SLCO3A1: variants seen among roughly 807,000 people sequenced by gnomAD.
SLCO3A1 encodes the protein solute carrier organic anion transporter family member 3A1.
Under a neutral mutation model 63.1 loss-of-function variants are expected in SLCO3A1, and 27 were observed. The observed-to-expected ratio is 0.43, with a 90% CI of 0.32 to 0.59. The LOEUF (loss-of-function observed/expected upper bound fraction) is 0.59. Among genes scored for constraint, SLCO3A1 ranks in the 20% least tolerant of loss-of-function variants. SLCO3A1 has a pLI of 0.09. For synonymous variants in SLCO3A1, 473 were observed against 409.9 expected, an observed-to-expected ratio of 1.15 and a Z score of -1.86; for missense variants, 773 against 945.8, an observed-to-expected ratio of 0.82 and a Z score of 2.40.
At chr15:91,934,669 T>G (rs1899345748) in intron 2 of SLCO3A1, among the ~76,000 whole-genome samples, 1 of 152,250 alleles carries the variant, frequency 6.6e-6, no homozygotes. Context: ...TTCTCTTTTA[T>G]TTGTAATGGG....
intron 2 of SLCO3A1, among the ~76,000 whole-genome samples, chr15:91,956,761 G>C (rs1370088340): frequency 6.8e-6 from 1 of 146,982 alleles, no homozygotes; most frequent in Non-Finnish European, 1.5e-5. Flanking sequence ...CCCTGGACTT[G>C]CTGTGGCCTT....
rs1900090879 is a variant in SLCO3A1, at chr15:91,954,176, G to A, written c.646+37718G>A. On this transcript the variant is annotated intron_variant, in intron 2 of 9. Transcript: ENST00000318445. The surrounding 1 kb of genome is among the most constrained non-coding windows in gnomAD (Gnocchi z 4.7). ...TAGTTTTGACCTCCTAGACCTCTCT[G>A]CTCAAGGGTGTTAGAGACAGACCCC... is the stretch of plus-strand genomic sequence containing the variant. Among the ~76,000 whole-genome samples the A allele has an allele frequency of 6.6e-6, 1 of 152,186 alleles. No homozygotes were observed. The highest frequency in any genetic ancestry group is 6.5e-5 in the Admixed American group (1 of 15,288).
chr15:92,107,487 A>G (rs1167204593), intron 4 of SLCO3A1, among the ~76,000 whole-genome samples: 3 of 152,200 alleles, frequency 2.0e-5, no homozygotes, highest in East Asian at 1.9e-4. Context: ...TCCAGTTTGC[A>G]TCCTGGAAAA....
intron 2 of SLCO3A1, among the ~76,000 whole-genome samples, chr15:92,065,711 T>C (rs566884589): frequency 3.8e-4 from 58 of 152,294 alleles, no homozygotes; most frequent in Non-Finnish European, 4.1e-4. Context: ...TATTTCCTTC[T>C]TTTTTTAACA....
At chr15:91,979,346 A>G (rs1477322385) in intron 2 of SLCO3A1, among the ~76,000 whole-genome samples, 1 of 152,236 alleles carries the variant, frequency 6.6e-6, no homozygotes, top group African/African-American at 2.4e-5. Context: ...AATTTTGTGC[A>G]TGGAACAAAG....
intron 2 of SLCO3A1, among the ~76,000 whole-genome samples, chr15:91,944,420 A>T (rs1450909122): frequency 1.3e-5 from 2 of 152,112 alleles, no homozygotes; most frequent in African/African-American, 4.8e-5. Context: ...AAGTGAGACA[A>T]AGCATTGGGT....
At chr15:91,920,123 G>A (rs927774951) in intron 2 of SLCO3A1, among the ~76,000 whole-genome samples, 2 of 152,328 alleles carry the variant, frequency 1.3e-5, no homozygotes, top group East Asian at 1.9e-4. Flanking sequence ...AATATTTGCT[G>A]TTTTAAACAA....
At chr15:92,131,203 A>C (rs776543350) in intron 7 of SLCO3A1, among the ~76,000 whole-genome samples, 34 of 152,144 alleles carry the variant, frequency 2.2e-4, no homozygotes, top group Non-Finnish European at 3.7e-4. Flanking sequence ...ACACATGGAC[A>C]CCAAGAAAGG....
chr15:91,857,782 A>T (rs1896961120), intron 1 of SLCO3A1, among the ~76,000 whole-genome samples: 1 of 152,142 alleles, frequency 6.6e-6, no homozygotes, highest in African/African-American at 2.4e-5. Flanking sequence ...GTGTACAGGA[A>T]ATTAAAGCCT....
At chr15:91,999,084 A>G (rs1472133336) in intron 2 of SLCO3A1, among the ~76,000 whole-genome samples, 2 of 152,170 alleles carry the variant, frequency 1.3e-5, no homozygotes, top group East Asian at 3.8e-4. Context: ...CAAGCTAAAC[A>G]TTGGGTACTC....
At chr15:91,933,258 T>G (rs1239283335) in intron 2 of SLCO3A1, among the ~76,000 whole-genome samples, 1 of 152,228 alleles carries the variant, frequency 6.6e-6, no homozygotes, top group African/African-American at 2.4e-5. Context: ...TTGATTTTTA[T>G]AGATTGCTTT....
chr15:91,962,706 G>A (rs1052128066), intron 2 of SLCO3A1, among the ~76,000 whole-genome samples: 2 of 152,002 alleles, frequency 1.3e-5, no homozygotes, highest in Non-Finnish European at 2.9e-5. Context: ...ATCTCAGGCT[G>A]TCCAGTGCAC....
At position 91,980,145 on chromosome 15, in the gene SLCO3A1, G is replaced by A. The variant is rs115368636; in HGVS notation, c.646+63687G>A. Among the ~76,000 whole-genome samples the A allele has an allele frequency of 5.1e-3, 781 of 152,124 alleles. 6 individuals carry two copies. The highest frequency in any genetic ancestry group is 0.018 in the African/African-American group (738 of 41,494). On this transcript the variant is annotated intron_variant, in intron 2 of 9. Coordinates refer to ENST00000318445, the MANE Select transcript of SLCO3A1 (RefSeq NM_013272.4). Reference sequence around the variant, plus strand: ...GACTGCATTGTTAACAAGTCCTCTCGGCCTCAGCTGTCCCTGTGTGACTAC... The same window carrying A: ...GACTGCATTGTTAACAAGTCCTCTCAGCCTCAGCTGTCCCTGTGTGACTAC...
At chr15:91,955,127 C>T (rs1900126250) in intron 2 of SLCO3A1, among the ~76,000 whole-genome samples, 1 of 152,114 alleles carries the variant, frequency 6.6e-6, no homozygotes, top group Non-Finnish European at 1.5e-5. Flanking sequence ...TTCCCACCTT[C>T]AGTCTTCACC....
chr15:91,979,909 T>C (rs2045962890), intron 2 of SLCO3A1, among the ~76,000 whole-genome samples: 1 of 152,192 alleles, frequency 6.6e-6, no homozygotes, highest in Non-Finnish European at 1.5e-5. Context: ...TCTACCCACA[T>C]TTGCCAACAT....
intron 4 of SLCO3A1, among the ~76,000 whole-genome samples, chr15:92,111,892 T>C (rs1351569555): frequency 1.3e-5 from 2 of 152,228 alleles, no homozygotes; most frequent in Non-Finnish European, 2.9e-5. Context: ...AATGGTTACA[T>C]GGCCAAATAA....
chr15:91,965,840 G>T (rs1900639490), intron 2 of SLCO3A1, among the ~76,000 whole-genome samples: 1 of 152,072 alleles, frequency 6.6e-6, no homozygotes, highest in African/African-American at 2.4e-5. Flanking sequence ...GAGGGATCAG[G>T]AAGGAGTAAG....
chr15:91,938,603 T>C (rs887308201), intron 2 of SLCO3A1, among the ~76,000 whole-genome samples: 4 of 152,086 alleles, frequency 2.6e-5, no homozygotes, highest in African/African-American at 7.2e-5. Flanking sequence ...TATTTGCTGA[T>C]TTGACCCTCC....
intron 1 of SLCO3A1, among the ~76,000 whole-genome samples, chr15:91,869,220 G>A (rs1335914860): frequency 6.6e-6 from 1 of 151,874 alleles, no homozygotes; most frequent in African/African-American, 2.4e-5. Flanking sequence ...GGGCAACATA[G>A]GGAGACCCTG....
Sources: gnomAD v4.1 joint callset for allele counts (sites outside exome capture counted in the v4.1 genomes callset) on GRCh38, gnomAD v4.1.1 for gene constraint, Gnocchi (gnomAD v3.1) non-coding constraint, MANE v1.5 for transcripts, NCBI Gene and HGNC (gene_info 2026-07-23, HGNC 2026-07-21) for gene names.